Variants in WWOX observed in about 807,000 individuals in gnomAD.
The protein encoded by WWOX is WW domain-containing oxidoreductase.
In WWOX, 69 loss-of-function variants were observed where a neutral mutation model predicts 46.2. The observed-to-expected ratio is 1.49, with a 90% CI of 1.23 to 1.82. The LOEUF is 1.82. Among genes scored for constraint, WWOX ranks in the 40% most tolerant of loss-of-function variants. The pLI is 0.00. For synonymous variants in WWOX, 359 were observed against 202.6 expected (o/e 1.77, Z -6.56); for missense variants, 919 against 542.6 (o/e 1.69, Z -6.89).
intron 8 of WWOX, among the ~76,000 whole-genome samples, chr16:79,112,328 A>G (rs534439302): frequency 2.6e-5 from 4 of 152,282 alleles, no homozygotes; most frequent in African/African-American, 9.6e-5. Context: ...CCAAACCTTC[A>G]TTCTGAATAT....
intron 5 of WWOX, chr16:78,168,087 G>C (rs2035034730): frequency 6.6e-6 from 1 of 152,176 alleles, no homozygotes. Context: ...ATGATCCAAA[G>C]TTTTTTGTTG....
chr16:78,221,574 A>C (rs3751775), intron 5 of WWOX, among the ~76,000 whole-genome samples: 27,811 of 152,122 alleles, frequency 0.18, 3,217 homozygotes, highest in African/African-American at 0.32. Context: ...GAAAAAGAGA[A>C]GTAGATAAGA....
intron 8 of WWOX, among the ~76,000 whole-genome samples, chr16:78,657,065 A>C (rs183454941): frequency 1.3e-5 from 2 of 152,128 alleles, no homozygotes; most frequent in East Asian, 1.9e-4. Flanking sequence ...CTTTCTGGCT[A>C]ATTGAGTGGT....
intron 8 of WWOX, among the ~76,000 whole-genome samples, chr16:78,869,660 G>A (rs565914285): frequency 1.3e-5 from 2 of 152,196 alleles, no homozygotes; most frequent in Non-Finnish European, 2.9e-5. Flanking sequence ...TTTTGTGGAC[G>A]TGGGGAGTGG....
At chr16:79,074,745 G>C (rs182459329) in intron 8 of WWOX, among the ~76,000 whole-genome samples, 19 of 152,106 alleles carry the variant, frequency 1.2e-4, no homozygotes, top group Admixed American at 1.1e-3. Flanking sequence ...AGCTGAGATA[G>C]CCTAACTCCC....
intron 8 of WWOX, among the ~76,000 whole-genome samples, chr16:79,032,354 A>G (rs1458005119): frequency 6.8e-6 from 1 of 146,444 alleles, no homozygotes; most frequent in Admixed American, 7.0e-5. Context: ...AATATATAAT[A>G]TATTCTATGT....
intron 8 of WWOX, chr16:79,204,715 C>A (rs2051451665): frequency 6.6e-6 from 1 of 152,232 alleles, no homozygotes; most frequent in Admixed American, 6.5e-5. Flanking sequence ...TAACATCCTC[C>A]CATGCCTTGG....
At chr16:78,555,971 G>A (rs888546105) in intron 8 of WWOX, among the ~76,000 whole-genome samples, 4 of 152,066 alleles carry the variant, frequency 2.6e-5, no homozygotes, top group Admixed American at 6.5e-5. Context: ...GCAAGGAATC[G>A]AGTGTCATGG....
intron 8 of WWOX, among the ~76,000 whole-genome samples, chr16:78,497,582 T>A (rs911055207): frequency 2.0e-5 from 3 of 152,130 alleles, no homozygotes; most frequent in African/African-American, 4.8e-5. Context: ...GGGTTAATAT[T>A]CAAAATGTAC....
At chr16:78,392,261 G>A (rs116121328) in intron 6 of WWOX, among the ~76,000 whole-genome samples, 3 of 151,990 alleles carry the variant, frequency 2.0e-5, no homozygotes, top group Non-Finnish European at 4.4e-5. Flanking sequence ...TCATAGGACC[G>A]TGATCCCTAT....
At chr16:78,782,173 C>G (rs996486772) in intron 8 of WWOX, among the ~76,000 whole-genome samples, 4 of 152,160 alleles carry the variant, frequency 2.6e-5, no homozygotes. Flanking sequence ...TTGCCATCAC[C>G]TTCACCCTGT....
At chr16:78,931,525 T>A (rs2045624095) in intron 8 of WWOX, among the ~76,000 whole-genome samples, 1 of 152,182 alleles carries the variant, frequency 6.6e-6, no homozygotes, top group South Asian at 2.1e-4. Context: ...GGGCATGTGC[T>A]TGAAGGAGAA....
At position 78,995,223 on chromosome 16, in the gene WWOX, C is replaced by G. The variant is rs190504469; in HGVS notation, c.1057-216385C>G. 2.7e-3 allele frequency among the ~76,000 whole-genome samples: 405 copies of G among 152,054 alleles called. 3 individuals are homozygous for G. The highest frequency in any genetic ancestry group is 9.1e-3 in the African/African-American group (376 of 41,478). ...TGCATTCTTTCCAAATACGTGATTC[C>G]AAAGCCCATGCCCAATCCTTGCACT... On this transcript the variant is annotated intron_variant, in intron 8 of 8. Transcript: ENST00000566780.
chr16:78,726,169 C>G (rs1213090215), intron 8 of WWOX, among the ~76,000 whole-genome samples: 2 of 141,648 alleles, frequency 1.4e-5, no homozygotes, highest in Non-Finnish European at 3.0e-5. Context: ...TTCTGTGTCT[C>G]TCTTTTCTCT....
intron 8 of WWOX, among the ~76,000 whole-genome samples, chr16:78,750,999 T>C (rs187203691): frequency 1.3e-5 from 2 of 152,274 alleles, no homozygotes; most frequent in African/African-American, 4.8e-5. Flanking sequence ...TTCCTTTGAA[T>C]GTATACCCAC....
At chr16:79,104,317 T>C (rs754586973) in intron 8 of WWOX, among the ~76,000 whole-genome samples, 5 of 152,208 alleles carry the variant, frequency 3.3e-5, no homozygotes, top group Non-Finnish European at 7.3e-5. Context: ...CTATTACTGT[T>C]ATTTCATAAG....
intron 2 of WWOX, among the ~76,000 whole-genome samples, chr16:78,108,711 G>A (rs1416909141): frequency 6.6e-6 from 1 of 152,264 alleles, no homozygotes; most frequent in Non-Finnish European, 1.5e-5. Context: ...AAAATGGCCA[G>A]ATGTGGTGGC....
At chr16:79,068,967 C>A (rs187655387) in intron 8 of WWOX, among the ~76,000 whole-genome samples, 62 of 152,210 alleles carry the variant, frequency 4.1e-4, no homozygotes, top group African/African-American at 1.5e-3. Flanking sequence ...AGTTGTCTTA[C>A]GCACAGGCGT....
chr16:78,595,634 G>C (rs1415490889), intron 8 of WWOX, among the ~76,000 whole-genome samples: 1 of 152,238 alleles, frequency 6.6e-6, no homozygotes, highest in Non-Finnish European at 1.5e-5. Context: ...GCTGACCAGT[G>C]TGGATGTCTT....
Sources: gnomAD v4.1 joint callset for allele counts (sites outside exome capture counted in the v4.1 genomes callset) on GRCh38, gnomAD v4.1.1 for gene constraint, MANE v1.5 for transcripts, NCBI Gene and HGNC (gene_info 2026-07-23, HGNC 2026-07-21) for gene names.